FAT3: variants seen among roughly 807,000 people sequenced by gnomAD.
FAT3 encodes the protein FAT atypical cadherin 3, also known as protocadherin Fat 3.
A neutral mutation model predicts 310.2 loss-of-function variants in FAT3; 95 were observed. That is an observed-to-expected ratio of 0.31 (90% CI 0.26 to 0.36). The LOEUF (loss-of-function observed/expected upper bound fraction) is 0.36, where lower values mean the gene tolerates loss of function less well. Ranked by LOEUF, FAT3 falls within the 10% of genes least tolerant of loss-of-function variation. FAT3 has a pLI of 1.00. For missense variants in FAT3, 5,408 were observed against 5,715.6 expected, an observed-to-expected ratio of 0.95 and a Z score of 1.74; for synonymous variants, 2,314 against 2,192.9, an observed-to-expected ratio of 1.06 and a Z score of -1.54.
intron 4 of FAT3, among the ~76,000 whole-genome samples, chr11:92,751,893 C>T (rs1271558152): frequency 2.0e-5 from 3 of 152,112 alleles, no homozygotes; most frequent in Non-Finnish European, 4.4e-5. Context: ...ATATTCTTAA[C>T]GTCTAAGCCT....
At chr11:92,722,895 A>G (rs1405278394) in intron 4 of FAT3, among the ~76,000 whole-genome samples, 3 of 152,148 alleles carry the variant, frequency 2.0e-5, no homozygotes, top group Non-Finnish European at 4.4e-5. Context: ...TGCACACAGC[A>G]TGGGGACCCT....
chr11:92,717,815 T>G (rs745403968), intron 4 of FAT3, among the ~76,000 whole-genome samples: 3 of 152,138 alleles, frequency 2.0e-5, no homozygotes, highest in Non-Finnish European at 4.4e-5. Context: ...CAACCCTCAC[T>G]TCTTAAAAAA....
intron 19 of FAT3, among the ~76,000 whole-genome samples, chr11:92,852,162 A>G (rs2136310093): frequency 6.6e-6 from 1 of 152,338 alleles, no homozygotes; most frequent in South Asian, 2.1e-4. Flanking sequence ...GTTGGCATAC[A>G]AAGGTTAAGT....
At chr11:92,270,956 G>C (rs1164416777) in intron 1 of FAT3, among the ~76,000 whole-genome samples, 3 of 151,866 alleles carry the variant, frequency 2.0e-5, no homozygotes, top group Admixed American at 6.6e-5. Context: ...CAATCCATTA[G>C]CAAAGCCTGT....
intron 3 of FAT3, among the ~76,000 whole-genome samples, chr11:92,663,897 A>G (rs1942872945): frequency 6.6e-6 from 1 of 152,182 alleles, no homozygotes; most frequent in African/African-American, 2.4e-5. Context: ...TTGAGATTCT[A>G]AAAATCACCA....
At chr11:92,363,099 T>G (rs1948922331) in intron 2 of FAT3, among the ~76,000 whole-genome samples, 1 of 152,256 alleles carries the variant, frequency 6.6e-6, no homozygotes, top group African/African-American at 2.4e-5. Flanking sequence ...AACATTGTGA[T>G]GCTGTACTTT....
At chr11:92,324,799 C>T (rs55928647) in intron 1 of FAT3, among the ~76,000 whole-genome samples, 11,243 of 152,200 alleles carry the variant, frequency 0.074, 584 homozygotes, top group African/African-American at 0.14. Flanking sequence ...ATGAGGTATG[C>T]CTGTCCATGA....
chr11:92,646,344 A>T (rs1942167339), intron 3 of FAT3, among the ~76,000 whole-genome samples: 1 of 152,230 alleles, frequency 6.6e-6, no homozygotes, highest in Non-Finnish European at 1.5e-5. Context: ...GGTTCTAAGA[A>T]GTCCAGAGAG....
chr11:92,599,521 G>A (rs1011859621), intron 3 of FAT3, among the ~76,000 whole-genome samples: 4 of 152,096 alleles, frequency 2.6e-5, no homozygotes, highest in African/African-American at 9.7e-5. Context: ...ACACAGCCAA[G>A]CCATATCAGA....
At chr11:92,652,579 C>G (rs1942419433) in intron 3 of FAT3, among the ~76,000 whole-genome samples, 1 of 152,146 alleles carries the variant, frequency 6.6e-6, no homozygotes, top group South Asian at 2.1e-4. Context: ...TGAGGCTTCT[C>G]CTACTCATTC....
At position 92,857,339 on chromosome 11, in the gene FAT3, G is replaced by A. The variant is rs747966320; in HGVS notation, c.11491G>A (p.Glu3831Lys). The change falls in exon 20 of 28, where the codon GAG becomes AAG. Residue 3831 changes from glutamate (E) to lysine (K), a missense_variant. By Grantham distance (56) the Glu-to-Lys change is moderately conservative. This residue lies in a region of FAT3 where 4,588 missense variants were observed against 4,809.8 expected (regional missense o/e 0.95). Coordinates refer to ENST00000525166, the MANE Select transcript of FAT3 (RefSeq NM_001367949.2). ...CCAGTGTCCACCAGGGAAGCTCGGA[G>A]AGTGCTCAGGTGCAGAGTGGAGTGG... is the stretch of plus-strand genomic sequence containing the variant. ...LCQCPPGKLGECSGHTSLSFA... is the reference protein window; with the variant it reads ...LCQCPPGKLGKCSGHTSLSFA... 6.2e-7 allele frequency: 1 copy of A among 1,613,912 alleles called. No homozygotes were observed. Among genetic ancestry groups the A allele is most frequent in the South Asian group, 1.1e-5 (1 of 91,084 alleles).
Position 92,831,690 on chromosome 11 carries a change from T to C in FAT3, c.9550T>C (p.Ser3184Pro). The change falls in exon 14 of 28, where the codon TCT becomes CCT. Residue 3184 changes from serine (S) to proline (P), a missense_variant. Coordinates refer to ENST00000525166, the MANE Select transcript of FAT3 (RefSeq NM_001367949.2). ...AGGVFSIDSS[S>P]GIIILEQPLD... ...TGGGGTCTTCTCCATTGACAGCTCATCTGGCATCATCATCCTGGAGCAGCC... is the reference window on the plus strand; with the variant it reads ...TGGGGTCTTCTCCATTGACAGCTCACCTGGCATCATCATCCTGGAGCAGCC... 6.2e-7 allele frequency: 1 copy of C among 1,613,618 alleles called. No homozygotes were observed. Among genetic ancestry groups the C allele is most frequent in the Non-Finnish European group, 8.5e-7 (1 of 1,179,794 alleles).
chr11:92,846,597 A>C (rs2136297102), intron 19 of FAT3, among the ~76,000 whole-genome samples: 1 of 152,274 alleles, frequency 6.6e-6, no homozygotes, highest in Non-Finnish European at 1.5e-5. Flanking sequence ...GTTTTGATGG[A>C]GATAGAGGGG....
chr11:92,865,613 A>G (rs1397371305), intron 21 of FAT3, among the ~76,000 whole-genome samples: 4 of 152,218 alleles, frequency 2.6e-5, no homozygotes, highest in African/African-American at 9.6e-5. Context: ...GAATCCCTTC[A>G]TGACCAAATG....
intron 26 of FAT3, 53 bp from the exon 27 acceptor site, chr11:92,889,803 C>T (rs992380326): frequency 1.4e-6 from 1 of 717,364 alleles, no homozygotes; most frequent in Non-Finnish European, 2.6e-6. Context: ...TGTTTTATCC[C>T]TCTTCACATG....
intron 3 of FAT3, among the ~76,000 whole-genome samples, chr11:92,555,529 G>A (rs538018963): frequency 6.6e-6 from 1 of 152,262 alleles, no homozygotes; most frequent in Non-Finnish European, 1.5e-5. Context: ...GTATTGGTTT[G>A]TTCATTCAGG....
intron 2 of FAT3, among the ~76,000 whole-genome samples, chr11:92,490,533 GTTTT>G (rs1032594837): frequency 1.4e-4 from 21 of 151,946 alleles, no homozygotes; most frequent in African/African-American, 4.8e-4. Flanking sequence ...AAGTGGTGGG[GTTTT>G]TGTTTGTTTG....
At chr11:92,755,693 T>C (rs1176038634) in intron 4 of FAT3, among the ~76,000 whole-genome samples, 1 of 152,212 alleles carries the variant, frequency 6.6e-6, no homozygotes, top group African/African-American at 2.4e-5. Context: ...TAGGTAGAGC[T>C]TTCTGAAAAT....
intron 2 of FAT3, among the ~76,000 whole-genome samples, chr11:92,500,251 A>G (rs539363513): frequency 6.6e-6 from 1 of 152,182 alleles, no homozygotes; most frequent in South Asian, 2.1e-4. Flanking sequence ...ATTGGACCAT[A>G]CAGTATTAAA....
Sources: gnomAD v4.1 joint callset for allele counts (sites outside exome capture counted in the v4.1 genomes callset) on GRCh38, gnomAD v4.1.1 for gene constraint, gnomAD v4.1.1 regional missense constraint, MANE v1.5 for transcripts, NCBI Gene and HGNC (gene_info 2026-07-23, HGNC 2026-07-21) for gene names.